CCDC85A: variants seen among roughly 807,000 people sequenced by gnomAD.
CCDC85A encodes the protein coiled-coil domain containing 85A, also known as coiled-coil domain-containing protein 85A.
Under a neutral mutation model 50.2 loss-of-function variants are expected in CCDC85A, and 38 were observed. That is an observed-to-expected ratio of 0.76 (90% CI 0.58 to 0.99). The LOEUF is 0.99. Among genes scored for constraint, CCDC85A ranks in the 50% least tolerant of loss-of-function variants. The pLI is 0.00. For missense variants in CCDC85A, 820 were observed against 742.0 expected (o/e 1.11, Z -1.22); for synonymous variants, 366 against 301.4 (o/e 1.21, Z -2.22).
chr2:56,324,397 G>A (rs1215700498), intron 2 of CCDC85A, among the ~76,000 whole-genome samples: 2 of 151,932 alleles, frequency 1.3e-5, no homozygotes, highest in Admixed American at 6.6e-5. Context: ...CTATAGCTAT[G>A]TACTCCCTGA....
chr2:56,364,404 T>C (rs921630799), intron 3 of CCDC85A, among the ~76,000 whole-genome samples: 2 of 152,260 alleles, frequency 1.3e-5, no homozygotes, highest in African/African-American at 4.8e-5. Context: ...AAAATTACTT[T>C]CTTTTCCTTC....
At chr2:56,216,076 T>C (rs1677382221) in intron 2 of CCDC85A, among the ~76,000 whole-genome samples, 1 of 151,920 alleles carries the variant, frequency 6.6e-6, no homozygotes, top group South Asian at 2.1e-4. Context: ...AAAATACTTA[T>C]TTACTGTCTG....
At chr2:56,371,106 AATTAAT>A in intron 3 of CCDC85A, among the ~76,000 whole-genome samples, 1 of 152,246 alleles carries the variant, frequency 6.6e-6, no homozygotes, top group Admixed American at 6.5e-5. Context: ...GCAATGTTCA[AATTAAT>A]GTTGCTATGA....
intron 2 of CCDC85A, among the ~76,000 whole-genome samples, chr2:56,265,337 G>A (rs1670391397): frequency 6.6e-6 from 1 of 152,146 alleles, no homozygotes; most frequent in Non-Finnish European, 1.5e-5. Flanking sequence ...TACCTGTTAA[G>A]ATTAACTGTG....
chr2:56,376,716 G>T (rs141230471), intron 5 of CCDC85A, among the ~76,000 whole-genome samples: 2 of 152,230 alleles, frequency 1.3e-5, no homozygotes, highest in African/African-American at 4.8e-5. Flanking sequence ...AATTGAGATG[G>T]TTTCTTGAAA....
chr2:56,290,631 C>T (rs1314802597), intron 2 of CCDC85A, among the ~76,000 whole-genome samples: 2 of 152,124 alleles, frequency 1.3e-5, no homozygotes, highest in East Asian at 3.9e-4. Flanking sequence ...ATTATGTAAT[C>T]AAAACCCCTG....
intron 1 of CCDC85A, among the ~76,000 whole-genome samples, chr2:56,189,469 T>C (rs1453250687): frequency 6.6e-6 from 1 of 151,844 alleles, no homozygotes; most frequent in East Asian, 1.9e-4. Flanking sequence ...TTTTTGTATT[T>C]TTAGTAGAGA....
intron 3 of CCDC85A, among the ~76,000 whole-genome samples, chr2:56,363,942 C>T (rs1157325653): frequency 1.3e-5 from 2 of 152,168 alleles, no homozygotes; most frequent in Admixed American, 6.5e-5. Context: ...CAGATATGTT[C>T]TCAGCAACAA....
intron 2 of CCDC85A, among the ~76,000 whole-genome samples, chr2:56,329,487 A>T (rs577655094): frequency 6.6e-6 from 1 of 152,232 alleles, no homozygotes; most frequent in Non-Finnish European, 1.5e-5. Flanking sequence ...ATATATGAAA[A>T]ATTCCAACGT....
chr2:56,383,776 T>TAAACACTG, intron 5 of CCDC85A: 1 of 977,414 alleles, frequency 1.0e-6, no homozygotes, highest in Non-Finnish European at 1.2e-6. Context: ...CTCAGCACAT[T>TAAACACTG]AAACACTGAT....
intron 2 of CCDC85A, among the ~76,000 whole-genome samples, chr2:56,289,661 G>A (rs868051913): frequency 6.6e-6 from 1 of 152,140 alleles, no homozygotes; most frequent in Non-Finnish European, 1.5e-5. Flanking sequence ...AAAGATCTCA[G>A]TGGTCATCCC....
intron 2 of CCDC85A, among the ~76,000 whole-genome samples, chr2:56,307,229 G>A (rs1558633490): frequency 6.6e-6 from 1 of 151,910 alleles, no homozygotes; most frequent in Non-Finnish European, 1.5e-5. Flanking sequence ...TCAGTTAGGG[G>A]GATTATCTAC....
intron 2 of CCDC85A, among the ~76,000 whole-genome samples, chr2:56,306,104 T>C (rs1672431538): frequency 6.6e-6 from 1 of 152,172 alleles, no homozygotes; most frequent in Admixed American, 6.6e-5. Context: ...CTCCTTTTAC[T>C]GTAAGTTTTG....
intron 3 of CCDC85A, among the ~76,000 whole-genome samples, chr2:56,348,294 C>T (rs1674731240): frequency 6.6e-6 from 1 of 152,152 alleles, no homozygotes; most frequent in Admixed American, 6.5e-5. Flanking sequence ...TTGAAGCCAA[C>T]ATTTGCAAGC....
intron 2 of CCDC85A, among the ~76,000 whole-genome samples, chr2:56,306,080 G>C (rs1291713714): frequency 6.6e-6 from 1 of 152,144 alleles, no homozygotes; most frequent in African/African-American, 2.4e-5. Context: ...ATAACAGGAA[G>C]GCTGTGCCTG....
At chr2:56,316,257 C>T (rs1421000973) in intron 2 of CCDC85A, among the ~76,000 whole-genome samples, 1 of 152,124 alleles carries the variant, frequency 6.6e-6, no homozygotes, top group Non-Finnish European at 1.5e-5. Context: ...TAATCTCTGG[C>T]AGGACACAGT....
intron 2 of CCDC85A, among the ~76,000 whole-genome samples, chr2:56,330,018 G>A (rs769937967): frequency 9.7e-5 from 11 of 113,948 alleles, no homozygotes; most frequent in African/African-American, 2.7e-4. Flanking sequence ...TGACAATACC[G>A]ACTAGATGCA....
intron 2 of CCDC85A, among the ~76,000 whole-genome samples, chr2:56,292,539 ATTAT>A (rs1671762020): frequency 1.3e-5 from 2 of 152,132 alleles, no homozygotes; most frequent in Non-Finnish European, 2.9e-5. Flanking sequence ...GAATGATGTG[ATTAT>A]TTAGTTAGAT....
intron 2 of CCDC85A, among the ~76,000 whole-genome samples, chr2:56,233,141 C>G (rs969566122): frequency 2.6e-5 from 4 of 152,226 alleles, no homozygotes; most frequent in Admixed American, 6.5e-5. Context: ...TTAACTCTCA[C>G]TTCTTCAGAA....
Sources: allele counts gnomAD v4.1 joint callset (sites outside exome capture counted in the v4.1 genomes callset), GRCh38; gene constraint gnomAD v4.1.1; transcripts MANE v1.5; gene names NCBI Gene and HGNC (gene_info 2026-07-23, HGNC 2026-07-21).